The following SLC2A2 variants were observed in gnomAD, a reference collection of about 807,000 sequenced individuals.
SLC2A2 encodes solute carrier family 2 member 2.
In SLC2A2, 36 loss-of-function variants were observed where a neutral mutation model predicts 54.5. The ratio of observed to expected loss-of-function variants is 0.66; its 90% CI spans 0.51 to 0.87. The LOEUF (loss-of-function observed/expected upper bound fraction) is 0.87. Ranked by LOEUF, SLC2A2 falls within the 40% of genes least tolerant of loss-of-function variation. The probability of loss-of-function intolerance (pLI) is 0.00; values close to 1 mark genes in which losing one functional copy is unlikely to be tolerated. For synonymous variants in SLC2A2, 223 were observed against 219.1 expected (o/e 1.02, Z -0.16); for missense variants, 543 against 624.3 (o/e 0.87, Z 1.39).
chr3:171,015,329 G>T (rs2108257972), intron 2 of SLC2A2, among the ~76,000 whole-genome samples: 1 of 152,164 alleles, frequency 6.6e-6, no homozygotes, highest in South Asian at 2.1e-4. Context: ...AATTACCCAG[G>T]CATGGTGGCA....
chr3:170,998,673 C>T (rs61791069), intron 9 of SLC2A2, among the ~76,000 whole-genome samples: 6,066 of 152,184 alleles, frequency 0.04, 139 homozygotes, highest in African/African-American at 0.062. Context: ...ACTAAGGTTT[C>T]CAGACAAGAT....
Position 171,005,419 on chromosome 3 carries a change from T to C in SLC2A2, c.829A>G (p.Arg277Gly), listed in dbSNP as rs750579210. 3 of 1,612,784 alleles carry C rather than the reference T, an allele frequency of 1.9e-6. No individual in the cohort carries two copies. Among genetic ancestry groups the C allele is most frequent in the Non-Finnish European group, 2.5e-6 (3 of 1,179,182 alleles). The change falls in exon 7 of 11, where the codon AGA becomes GGA. Residue 277 changes from arginine (R) to glycine (G), a missense_variant. By Grantham distance (125) the Arg-to-Gly change is moderately radical. Transcript: ENST00000314251. Reference sequence around the variant, plus strand: ...CTCGATGCTTCTTCTCTTTCTTTTCTCATTTCATTAATATCTTTGGTGACA... The same window carrying C: ...CTCGATGCTTCTTCTCTTTCTTTTCCCATTTCATTAATATCTTTGGTGACA... ...DDVTKDINEMRKEREEASSEQ... is the reference protein window; with the variant it reads ...DDVTKDINEMGKEREEASSEQ...
At chr3:171,022,700 C>T (rs911201677) in intron 1 of SLC2A2, among the ~76,000 whole-genome samples, 2 of 152,128 alleles carry the variant, frequency 1.3e-5, no homozygotes, top group Non-Finnish European at 2.9e-5. Flanking sequence ...TCTCCCTGTC[C>T]CTCTACCATA....
In SLC2A2 at chr3:171,005,043, TG is replaced by T. The variant is rs55828606; in HGVS notation, c.963+241del. On this transcript the variant is annotated intron_variant, in intron 7 of 10. Coordinates refer to ENST00000314251, the MANE Select transcript of SLC2A2 (RefSeq NM_000340.2). ...TGTATGTATTAAGATTTTTGCTTTT[TG>T]CCTTCACCTTAATAGATATATAGTA... Among the ~76,000 whole-genome samples the T allele has an allele frequency of 0.2, 30,916 of 151,858 alleles. 4,212 individuals are homozygous for T. Among genetic ancestry groups the T allele is most frequent in the African/African-American group, 0.39 (16,257 of 41,372 alleles).
chr3:170,998,530 TC>T, intron 9 of SLC2A2, 134 bp from the exon 10 acceptor site: 1 of 704,180 alleles, frequency 1.4e-6, no homozygotes, highest in South Asian at 1.6e-5. Context: ...TATAAGTTAT[TC>T]TATTCTGAGA....
chr3:171,008,715 A>G (rs1226082992), intron 4 of SLC2A2, among the ~76,000 whole-genome samples: 1 of 152,012 alleles, frequency 6.6e-6, no homozygotes, highest in Non-Finnish European at 1.5e-5. Context: ...TCATAGTGTT[A>G]TTATCTGCAT....
At position 170,998,189 on chromosome 3, in the gene SLC2A2, T is replaced by C; in HGVS notation, c.1374+4A>G. 6.2e-7 allele frequency: 1 copy of C among 1,613,698 alleles called. No individual in the cohort carries two copies. The highest frequency in any genetic ancestry group is 8.5e-7 in the Non-Finnish European group (1 of 1,179,718). ...GTAAATCTGTGGAATATTAGGCTGC[T>C]TACCGCAATGTACTGGAAACACAGA... On this transcript the variant is annotated splice_donor_region_variant and intron_variant, in intron 10 of 10. Coordinates refer to ENST00000314251, the MANE Select transcript of SLC2A2 (RefSeq NM_000340.2).
chr3:171,018,713 C>T, intron 1 of SLC2A2, 90 bp from the exon 2 acceptor site: 1 of 840,392 alleles, frequency 1.2e-6, no homozygotes. Flanking sequence ...TTCTTACAGG[C>T]TCCACAGGCT....
chr3:171,023,156 C>A (rs552090165), intron 1 of SLC2A2, among the ~76,000 whole-genome samples: 1 of 152,224 alleles, frequency 6.6e-6, no homozygotes, highest in Admixed American at 6.5e-5. Context: ...GTCCTGCCAC[C>A]CCAGGGCCTG....
At chr3:171,023,088 G>A (rs149236051) in intron 1 of SLC2A2, among the ~76,000 whole-genome samples, 187 of 152,188 alleles carry the variant, frequency 1.2e-3, no homozygotes, top group African/African-American at 4.3e-3. Flanking sequence ...AAATCTTAGC[G>A]TGTTATTAAA....
At chr3:171,010,198 G>T in intron 3 of SLC2A2, 116 bp from the exon 4 acceptor site, 1 of 1,077,254 alleles carries the variant, frequency 9.3e-7, no homozygotes, top group Non-Finnish European at 1.4e-6. Flanking sequence ...TAATTTTGCT[G>T]TAAAAGCTAG....
intron 5 of SLC2A2, 34 bp downstream of exon 5, chr3:171,007,114 G>A (rs774460489): frequency 8.6e-7 from 1 of 1,159,720 alleles, no homozygotes; most frequent in Non-Finnish European, 1.3e-6. Context: ...GAAGTAGATG[G>A]GTGCAGTAGG....
chr3:171,012,931 G>A (rs1440502325), intron 3 of SLC2A2, among the ~76,000 whole-genome samples: 1 of 151,992 alleles, frequency 6.6e-6, no homozygotes, highest in Non-Finnish European at 1.5e-5. Context: ...GACTTCAGAG[G>A]GTTTGTATAT....
chr3:171,004,826 G>A (rs192633051), intron 7 of SLC2A2, among the ~76,000 whole-genome samples: 1 of 152,092 alleles, frequency 6.6e-6, no homozygotes, highest in African/African-American at 2.4e-5. Context: ...CTCAAATGGA[G>A]TGAAAATTTC....
Position 171,018,555 on chromosome 3 carries a change from A to G in SLC2A2, c.84T>C (p.Ile28=), listed in dbSNP as rs764472948. ...VLGSFQFGYD[I]GVINAPQQVI... is the part of the protein sequence containing the mutation. ...CCTGTTGAGGTGCATTGATCACACC[A>G]ATGTCATATCCAAACTGGAAGGAAC... The change falls in exon 2 of 11, where the codon ATT becomes ATC. Residue 28 remains isoleucine, a synonymous_variant. Transcript: ENST00000314251. 2 of 1,613,650 alleles carry G rather than the reference A, an allele frequency of 1.2e-6. No homozygotes were observed. Among genetic ancestry groups the G allele is most frequent in the Non-Finnish European group, 1.7e-6 (2 of 1,179,538 alleles).
intron 2 of SLC2A2, among the ~76,000 whole-genome samples, chr3:171,015,648 A>G (rs1392070770): frequency 1.3e-5 from 2 of 152,304 alleles, no homozygotes; most frequent in African/African-American, 4.8e-5. Flanking sequence ...TACAGAATTC[A>G]AACACTAGAT....
chr3:171,006,079 G>A lies in SLC2A2; in HGVS notation c.639C>T (p.Gly213=), dbSNP rs886058176. The A allele has an allele frequency of 2.5e-6, 4 of 1,612,344 alleles. No individual in the cohort carries two copies. Among genetic ancestry groups the A allele is most frequent in the South Asian group, 1.1e-5 (1 of 91,034 alleles). The change falls in exon 6 of 11, where the codon GGC becomes GGT. Residue 213 remains glycine (G), a synonymous_variant. Transcript: ENST00000314251. ...GCAGGATGTGCCACAGATCATAATT[G>A]CCCAAGATAAATTCAAGACCAATAA... is the stretch of plus-strand genomic sequence containing the variant. ...SQIIGLEFIL[G]NYDLWHILLG...
At position 170,999,148 on chromosome 3, in the gene SLC2A2, C is replaced by A. The variant is rs76362149; in HGVS notation, c.1087G>T (p.Ala363Ser). The change falls in exon 9 of 11, where the codon GCA becomes TCA. Residue 363 changes from alanine to serine, a missense_variant. Ala to Ser is a moderately conservative substitution (Grantham distance 99). This residue lies in a region of SLC2A2 where 117 missense variants were observed against 179.2 expected (regional missense o/e 0.65). Transcript: ENST00000314251. ...ATTAGAAAGAGAGAACGTCGCCCTG[C>A]CTTCTCCACAAGGAATACCTAGGAC... ...TAVSVFLVEK[A>S]GRRSLFLIGM... The A allele has an allele frequency of 1.5e-3, 2,492 of 1,610,670 alleles. 2 individuals are homozygous for A. Among genetic ancestry groups the A allele is most frequent in the Non-Finnish European group, 1.8e-3 (2,167 of 1,177,182 alleles).
chr3:171,005,136 ATTAATGC>A, intron 7 of SLC2A2, 142 bp downstream of exon 7: 1 of 712,476 alleles, frequency 1.4e-6, no homozygotes, highest in Non-Finnish European at 2.5e-6. Context: ...CAAAATGGAA[ATTAATGC>A]TTACTCAATG....
Sources: allele counts gnomAD v4.1 joint callset (sites outside exome capture counted in the v4.1 genomes callset), GRCh38; gene constraint gnomAD v4.1.1; regional missense constraint gnomAD v4.1.1; transcripts MANE v1.5; gene names NCBI Gene and HGNC (gene_info 2026-07-23, HGNC 2026-07-21).